The following SLC9A9 variants were observed in gnomAD, a reference collection of about 807,000 sequenced individuals.
SLC9A9 encodes solute carrier family 9 member A9, also known as sodium/hydrogen exchanger 9.
SLC9A9 carries 62 observed loss-of-function variants against 77.8 expected under a neutral mutation model. That is an observed-to-expected ratio of 0.80 (90% CI 0.65 to 0.98). SLC9A9 has a LOEUF of 0.98. Among genes scored for constraint, SLC9A9 ranks in the 50% least tolerant of loss-of-function variants. The pLI is 0.00. For synonymous variants in SLC9A9, 320 were observed against 283.5 expected (o/e 1.13, Z -1.29); for missense variants, 775 against 774.9 (o/e 1.00, Z 0.00).
chr3:143,699,139 T>C (rs1335631392), intron 4 of SLC9A9, among the ~76,000 whole-genome samples: 3 of 152,236 alleles, frequency 2.0e-5, no homozygotes, highest in African/African-American at 7.2e-5. Context: ...GAAGTTCCCC[T>C]AGTGAAATTC....
At chr3:143,398,468 A>G (rs920816481) in intron 12 of SLC9A9, among the ~76,000 whole-genome samples, 1 of 151,598 alleles carries the variant, frequency 6.6e-6, no homozygotes, top group Admixed American at 6.6e-5. Context: ...AGTAACAGCC[A>G]ATATGTAGAA....
intron 12 of SLC9A9, among the ~76,000 whole-genome samples, chr3:143,414,208 G>C (rs2034149239): frequency 6.6e-6 from 1 of 152,134 alleles, no homozygotes; most frequent in South Asian, 2.1e-4. Context: ...TTGTACATGT[G>C]TGCACCTGTA....
At chr3:143,587,867 G>A (rs2037570408) in intron 6 of SLC9A9, among the ~76,000 whole-genome samples, 6 of 152,212 alleles carry the variant, frequency 3.9e-5, no homozygotes, top group Admixed American at 3.3e-4. Context: ...ATAAAGTAGA[G>A]TAGTGAAGAA....
intron 4 of SLC9A9, among the ~76,000 whole-genome samples, chr3:143,773,121 G>C (rs1036019371): frequency 2.2e-4 from 33 of 152,182 alleles, no homozygotes; most frequent in Admixed American, 1.3e-4. Context: ...TATTTTGCTA[G>C]AGGTTGTATA....
intron 12 of SLC9A9, among the ~76,000 whole-genome samples, chr3:143,402,339 G>T (rs1350082782): frequency 6.6e-6 from 1 of 151,972 alleles, no homozygotes; most frequent in Non-Finnish European, 1.5e-5. Flanking sequence ...TATTGCTCGA[G>T]ATGTCCATAT....
At chr3:143,760,003 G>A (rs1247144180) in intron 4 of SLC9A9, among the ~76,000 whole-genome samples, 1 of 151,950 alleles carries the variant, frequency 6.6e-6, no homozygotes, top group Non-Finnish European at 1.5e-5. Flanking sequence ...CTTTCACATA[G>A]GAACTGAACA....
chr3:143,796,835 A>G lies in SLC9A9; in HGVS notation c.447T>C (p.Ser149=). 2 of 1,607,262 alleles carry G rather than the reference A, an allele frequency of 1.2e-6. No individual in the cohort carries two copies. Among genetic ancestry groups the G allele is most frequent in the Non-Finnish European group, 1.7e-6 (2 of 1,174,548 alleles). The change falls in exon 3 of 16, where the codon AGT becomes AGC. Residue 149 remains serine, a synonymous_variant. Coordinates refer to ENST00000316549, the MANE Select transcript of SLC9A9 (RefSeq NM_173653.4). ...ATCACTATATATTTACCTTCTTTAGACTATATCCTGCATGAAATATAATTG... is the reference window on the plus strand; with the variant it reads ...ATCACTATATATTTACCTTCTTTAGGCTATATCCTGCATGAAATATAATTG... ...LPPIIFHAGY[S]LKKRHFFQNL...
intron 9 of SLC9A9, among the ~76,000 whole-genome samples, chr3:143,505,078 T>TA (rs201662448): frequency 6.0e-5 from 9 of 149,196 alleles, no homozygotes; most frequent in Non-Finnish European, 7.5e-5. Flanking sequence ...TTTCCCAGGT[T>TA]AAAAAAAAAA....
chr3:143,494,776 C>T (rs1434068124), intron 10 of SLC9A9, among the ~76,000 whole-genome samples: 2 of 152,188 alleles, frequency 1.3e-5, no homozygotes, highest in African/African-American at 4.8e-5. Flanking sequence ...TTTCATCTGT[C>T]TTCATAGGAA....
intron 14 of SLC9A9, among the ~76,000 whole-genome samples, chr3:143,354,769 T>C (rs928503519): frequency 2.0e-5 from 3 of 152,238 alleles, no homozygotes; most frequent in Admixed American, 1.3e-4. Flanking sequence ...CTTTTCTTTC[T>C]CTTTCTCTTT....
intron 4 of SLC9A9, among the ~76,000 whole-genome samples, chr3:143,714,691 G>C (rs76194943): frequency 0.034 from 5,222 of 152,230 alleles, 290 homozygotes; most frequent in African/African-American, 0.12. Flanking sequence ...TTCCACCAAA[G>C]CATGTGCCCC....
At chr3:143,295,992 G>T (rs1442566169) in intron 14 of SLC9A9, among the ~76,000 whole-genome samples, 3 of 152,094 alleles carry the variant, frequency 2.0e-5, no homozygotes, top group Non-Finnish European at 4.4e-5. Context: ...CCTGTTTAAA[G>T]TGCCTGCAAT....
intron 4 of SLC9A9, among the ~76,000 whole-genome samples, chr3:143,739,813 T>C (rs981101417): frequency 3.9e-5 from 6 of 152,186 alleles, no homozygotes; most frequent in African/African-American, 1.2e-4. Context: ...CCTGGGAATT[T>C]GTTAGAAATG....
chr3:143,336,706 G>A (rs1478651874), intron 14 of SLC9A9, among the ~76,000 whole-genome samples: 3 of 152,106 alleles, frequency 2.0e-5, no homozygotes, highest in Non-Finnish European at 4.4e-5. Context: ...CGAATTAACT[G>A]AAAGCAGGTT....
intron 6 of SLC9A9, among the ~76,000 whole-genome samples, chr3:143,598,107 C>CT (rs1000273447): frequency 9.4e-4 from 139 of 147,566 alleles, no homozygotes; most frequent in African/African-American, 1.2e-3. Flanking sequence ...CAACTTTTAT[C>CT]TTTTTTTTTT....
At chr3:143,272,591 G>A (rs1414193895) in intron 14 of SLC9A9, among the ~76,000 whole-genome samples, 1 of 152,164 alleles carries the variant, frequency 6.6e-6, no homozygotes, top group African/African-American at 2.4e-5. Flanking sequence ...GACTTCCTGA[G>A]TTCTTCATTG....
intron 14 of SLC9A9, among the ~76,000 whole-genome samples, chr3:143,311,494 C>A (rs2031016588): frequency 6.6e-6 from 1 of 152,188 alleles, no homozygotes; most frequent in Non-Finnish European, 1.5e-5. Flanking sequence ...AAATTCTTCT[C>A]TAGGAGCCAG....
At position 143,268,422 on chromosome 3, in the gene SLC9A9, A is replaced by C. The variant is rs561400909; in HGVS notation, c.1710+453T>G. On this transcript the variant is annotated intron_variant, in intron 15 of 15. Coordinates refer to ENST00000316549, the MANE Select transcript of SLC9A9 (RefSeq NM_173653.4). ...TGACAAGAGAAATGCTTCCTAGTGC[A>C]GTGAATTTTTAAAAAATGCTTCCTC... Among the ~76,000 whole-genome samples, 174 of 152,318 alleles carry C rather than the reference A, an allele frequency of 1.1e-3. 2 individuals are homozygous for C. The highest frequency in any genetic ancestry group is 4.0e-3 in the African/African-American group (166 of 41,564).
intron 9 of SLC9A9, among the ~76,000 whole-genome samples, chr3:143,514,323 G>A (rs1298451214): frequency 6.6e-6 from 1 of 152,108 alleles, no homozygotes; most frequent in Admixed American, 6.5e-5. Context: ...TAGAGCACAG[G>A]CAGAGTAGAT....
Sources: allele counts gnomAD v4.1 joint callset (sites outside exome capture counted in the v4.1 genomes callset), GRCh38; gene constraint gnomAD v4.1.1; transcripts MANE v1.5; gene names NCBI Gene and HGNC (gene_info 2026-07-23, HGNC 2026-07-21).